The following UNC5D variants were observed in gnomAD, a reference collection of about 807,000 sequenced individuals.
UNC5D encodes unc-5 netrin receptor D.
In UNC5D, 39 loss-of-function variants were observed where a neutral mutation model predicts 105.4. That is an observed-to-expected ratio of 0.37 (90% CI 0.29 to 0.48). UNC5D has a LOEUF of 0.48. Among genes scored for constraint, UNC5D ranks in the 20% least tolerant of loss-of-function variants. The pLI is 0.98. For missense variants in UNC5D, 991 were observed against 1,202.4 expected, an observed-to-expected ratio of 0.82 and a Z score of 2.60; for synonymous variants, 452 against 450.4, an observed-to-expected ratio of 1.00 and a Z score of -0.04.
At chr8:35,788,908 C>G (rs1802879566) in intron 16 of UNC5D, among the ~76,000 whole-genome samples, 2 of 151,524 alleles carry the variant, frequency 1.3e-5, no homozygotes, top group Non-Finnish European at 2.9e-5. Context: ...CGAGACAAAT[C>G]TACCCTTGTT....
intron 1 of UNC5D, among the ~76,000 whole-genome samples, chr8:35,527,814 G>A (rs928361370): frequency 5.9e-5 from 9 of 152,076 alleles, no homozygotes; most frequent in Non-Finnish European, 8.8e-5. Context: ...TTACAGGCGT[G>A]AGCCACCACT....
chr8:35,683,311 G>A (rs1267786404), intron 4 of UNC5D, among the ~76,000 whole-genome samples: 1 of 152,144 alleles, frequency 6.6e-6, no homozygotes, highest in Non-Finnish European at 1.5e-5. Context: ...CAAAGTCAAT[G>A]TAGGATATTT....
intron 1 of UNC5D, among the ~76,000 whole-genome samples, chr8:35,399,145 C>T (rs1185753149): frequency 1.8e-5 from 1 of 54,702 alleles, no homozygotes; most frequent in East Asian, 5.5e-4. Flanking sequence ...ACTCCATCTC[C>T]AAAAAAAAAA....
intron 1 of UNC5D, chr8:35,544,610 T>G (rs1281012498): frequency 1.3e-6 from 2 of 1,499,476 alleles, no homozygotes; most frequent in Admixed American, 2.3e-5. Flanking sequence ...TTTTTTTTTT[T>G]TTTTTTTTTT....
chr8:35,356,032 C>G (rs1359656064), intron 1 of UNC5D, among the ~76,000 whole-genome samples: 1 of 152,142 alleles, frequency 6.6e-6, no homozygotes, highest in Non-Finnish European at 1.5e-5. Flanking sequence ...AATTCTCCTG[C>G]CTCAGACTCT....
chr8:35,631,739 G>C (rs558845651), intron 4 of UNC5D, among the ~76,000 whole-genome samples: 1 of 152,192 alleles, frequency 6.6e-6, no homozygotes, highest in South Asian at 2.1e-4. Context: ...CATAATATAA[G>C]GATATTGACC....
intron 16 of UNC5D, among the ~76,000 whole-genome samples, chr8:35,776,472 C>T (rs989989186): frequency 6.6e-5 from 10 of 152,266 alleles, no homozygotes; most frequent in South Asian, 2.1e-4. Flanking sequence ...TGACCTTGCA[C>T]GGTAGGGAAA....
chr8:35,762,450 T>C (rs1352386838), intron 14 of UNC5D, among the ~76,000 whole-genome samples: 2 of 152,210 alleles, frequency 1.3e-5, no homozygotes, highest in Non-Finnish European at 2.9e-5. Flanking sequence ...GATCTCATTA[T>C]GGTAGCAGCC....
chr8:35,320,862 T>A (rs1809688680), intron 1 of UNC5D, among the ~76,000 whole-genome samples: 2 of 152,158 alleles, frequency 1.3e-5, no homozygotes, highest in Non-Finnish European at 2.9e-5. Context: ...GCTTGGAGTT[T>A]TATTTTTGAC....
At chr8:35,487,594 C>CACACACACACACACACA (rs1554542234) in intron 1 of UNC5D, among the ~76,000 whole-genome samples, 12 of 146,854 alleles carry the variant, frequency 8.2e-5, no homozygotes, top group African/African-American at 2.7e-4. Context: ...CACACACACA[C>CACACACACACACACACA]CCCACAGACT....
intron 9 of UNC5D, 72 bp downstream of exon 9, chr8:35,722,467 C>T (rs1363300732): frequency 7.3e-6 from 11 of 1,516,406 alleles, no homozygotes; most frequent in Non-Finnish European, 9.7e-6. Context: ...CCCCAGCCTT[C>T]TCCTGGGCCC....
intron 13 of UNC5D, among the ~76,000 whole-genome samples, chr8:35,753,416 C>CT (rs1830377803): frequency 6.6e-6 from 1 of 152,014 alleles, no homozygotes. Flanking sequence ...CTACAGTCGC[C>CT]TGCCACCATG....
intron 1 of UNC5D, among the ~76,000 whole-genome samples, chr8:35,328,028 T>C (rs1166713548): frequency 5.9e-5 from 9 of 152,202 alleles, no homozygotes; most frequent in African/African-American, 2.2e-4. Flanking sequence ...TTTCCACTAT[T>C]TAAATGCTAG....
intron 7 of UNC5D, among the ~76,000 whole-genome samples, chr8:35,701,586 C>T (rs1827201317): frequency 6.6e-6 from 1 of 152,118 alleles, no homozygotes. Context: ...AATGAATCAT[C>T]ACCAAAAATA....
chr8:35,789,139 A>G (rs1437268852), intron 16 of UNC5D, among the ~76,000 whole-genome samples: 1 of 18,744 alleles, frequency 5.3e-5, no homozygotes, highest in Non-Finnish European at 9.0e-5. Flanking sequence ...AGAAAAGACT[A>G]TATATATATA....
At chr8:35,722,540 C>G (rs912318016) in intron 9 of UNC5D, 145 bp downstream of exon 9, 5 of 1,060,192 alleles carry the variant, frequency 4.7e-6, no homozygotes, top group Non-Finnish European at 5.2e-6. Context: ...ATGAACAGAC[C>G]GGGCTGGGTG....
intron 2 of UNC5D, among the ~76,000 whole-genome samples, chr8:35,563,086 C>G (rs1420937344): frequency 6.6e-6 from 1 of 151,784 alleles, no homozygotes; most frequent in Non-Finnish European, 1.5e-5. Flanking sequence ...TGGTGCCATT[C>G]AGAGTTTTTT....
chr8:35,628,703 G>T (rs1306541589), intron 4 of UNC5D, among the ~76,000 whole-genome samples: 3 of 152,140 alleles, frequency 2.0e-5, no homozygotes, highest in Non-Finnish European at 4.4e-5. Flanking sequence ...GGTTCAGAAA[G>T]AAGGCAGGTT....
At chr8:35,497,812 G>A (rs997117454) in intron 1 of UNC5D, among the ~76,000 whole-genome samples, 4 of 152,050 alleles carry the variant, frequency 2.6e-5, no homozygotes, top group Admixed American at 6.5e-5. Context: ...GCTCACACCT[G>A]TAATCCAAGA....
Sources: allele counts gnomAD v4.1 joint callset (sites outside exome capture counted in the v4.1 genomes callset), GRCh38; gene constraint gnomAD v4.1.1; transcripts MANE v1.5; gene names NCBI Gene and HGNC (gene_info 2026-07-23, HGNC 2026-07-21).